The following BTG4 variants were observed in gnomAD, a reference collection of about 807,000 sequenced individuals.
BTG4 encodes the protein BTG anti-proliferation factor 4.
In BTG4, 10 loss-of-function variants were observed where a neutral mutation model predicts 19.3. The observed-to-expected ratio is 0.52, with a 90% CI of 0.32 to 0.88. BTG4 has a LOEUF of 0.88. BTG4 is among the 40% of genes least tolerant of loss of function. The pLI, the probability that BTG4 is intolerant of heterozygous loss-of-function variation, is 0.04. For synonymous variants in BTG4, 91 were observed against 95.7 expected, an observed-to-expected ratio of 0.95 and a Z score of 0.29; for missense variants, 238 against 281.9, an observed-to-expected ratio of 0.84 and a Z score of 1.11.
intron 2 of BTG4, 119 bp downstream of exon 2, chr11:111,498,485 C>T: frequency 1.2e-6 from 1 of 867,570 alleles, no homozygotes; most frequent in Non-Finnish European, 1.8e-6. Context: ...AACAAATAAA[C>T]TCGAGCCCAT....
upstream of BTG4, among the ~76,000 whole-genome samples, chr11:111,513,771 CTGAT>C: frequency 6.6e-6 from 1 of 151,852 alleles, no homozygotes; most frequent in African/African-American, 2.4e-5. Flanking sequence ...TCTTAGCTGA[CTGAT>C]GTATGTTATT....
At chr11:111,433,992 C>T in the BTG4 span, among the ~76,000 whole-genome samples, 13 of 152,174 alleles carry the variant, frequency 8.5e-5, no homozygotes, top group African/African-American at 3.1e-4. Context: ...GACAATGTAG[C>T]GATTCCTCAG....
the BTG4 span, chr11:111,450,775 T>A: frequency 0.97 from 148,148 of 152,300 alleles, 72,208 homozygotes; most frequent in Middle Eastern, 1. Context: ...GGGCCTGACC[T>A]GACCAGATGG....
downstream of BTG4, among the ~76,000 whole-genome samples, chr11:111,467,369 G>C (rs1033139204): frequency 6.6e-5 from 10 of 152,238 alleles, no homozygotes; most frequent in Admixed American, 1.3e-4. Context: ...GTCATATTTA[G>C]CATAAATATT....
chr11:111,456,755 A>G, the BTG4 span: 6 of 316,262 alleles, frequency 1.9e-5, no homozygotes, highest in East Asian at 3.9e-4. The surrounding 1 kb of genome is among the most constrained non-coding windows in gnomAD (Gnocchi z 4.2). Context: ...CCCCTGGCCC[A>G]CTGACTATCC....
chr11:111,402,858 TTAATAATAA>T, the BTG4 span, among the ~76,000 whole-genome samples: 2 of 151,120 alleles, frequency 1.3e-5, no homozygotes, highest in Middle Eastern at 3.4e-3. Context: ...CAAGACCAAA[TTAATAATAA>T]TAATAATAAT....
chr11:111,499,271 G>T (rs1865921729), intron 1 of BTG4, among the ~76,000 whole-genome samples: 1 of 152,170 alleles, frequency 6.6e-6, no homozygotes, highest in South Asian at 2.1e-4. Context: ...TAAGAAAAGT[G>T]GGCGAGACTT....
chr11:111,443,098 G>A, the BTG4 span, among the ~76,000 whole-genome samples: 1 of 152,334 alleles, frequency 6.6e-6, no homozygotes, highest in South Asian at 2.1e-4. Context: ...ACAACGTGAT[G>A]AAAATGGCAC....
intron 5 of BTG4, among the ~76,000 whole-genome samples, chr11:111,470,748 C>A (rs1864012934): frequency 6.6e-6 from 1 of 152,044 alleles, no homozygotes; most frequent in South Asian, 2.1e-4. Context: ...GAGACCCCAT[C>A]TCTACAAAAA....
At chr11:111,469,228 G>A (rs770675033) in intron 5 of BTG4, 13 of 152,272 alleles carry the variant, frequency 8.5e-5, no homozygotes, top group Non-Finnish European at 1.5e-4. Context: ...CATTGGGAGA[G>A]AATGTTTGGC....
exon 6 of BTG4, chr11:111,467,679 A>G (rs145399036): frequency 1.2e-5 from 9 of 772,330 alleles, no homozygotes; most frequent in African/African-American, 8.6e-5. Context: ...GGGTTATAAA[A>G]TTCTGGGGTC....
intron 5 of BTG4, among the ~76,000 whole-genome samples, chr11:111,483,034 C>T (rs529975454): frequency 6.6e-6 from 1 of 152,240 alleles, no homozygotes; most frequent in African/African-American, 2.4e-5. Flanking sequence ...CTCTAGCAAG[C>T]ATCCCCCTAC....
chr11:111,460,154 C>T, the BTG4 span: 1 of 152,548 alleles, frequency 6.6e-6, no homozygotes, highest in South Asian at 2.1e-4. Flanking sequence ...GAAAAAGGAC[C>T]TGCCTTCCTT....
chr11:111,441,814 C>A, the BTG4 span, among the ~76,000 whole-genome samples: 1 of 152,032 alleles, frequency 6.6e-6, no homozygotes, highest in Non-Finnish European at 1.5e-5. Flanking sequence ...ATCCCAGCAC[C>A]TTGAGAGGCT....
At chr11:111,445,205 T>C in the BTG4 span, among the ~76,000 whole-genome samples, 1 of 152,128 alleles carries the variant, frequency 6.6e-6, no homozygotes, top group Non-Finnish European at 1.5e-5. Context: ...ATCCCAAACC[T>C]CTCTGAGCCT....
downstream of BTG4, among the ~76,000 whole-genome samples, chr11:111,493,804 G>T (rs1865560677): frequency 6.6e-6 from 1 of 152,022 alleles, no homozygotes; most frequent in Non-Finnish European, 1.5e-5. Context: ...GTGCCCTAAT[G>T]AACCATCGTT....
intron 2 of BTG4, 141 bp downstream of exon 2, chr11:111,498,463 A>C: frequency 1.3e-6 from 1 of 753,804 alleles, no homozygotes; most frequent in East Asian, 2.7e-5. Flanking sequence ...CCTCCTTTCA[A>C]TTCCACGTTC....
chr11:111,445,662 T>C, the BTG4 span, among the ~76,000 whole-genome samples: 3 of 152,210 alleles, frequency 2.0e-5, no homozygotes, highest in African/African-American at 4.8e-5. Flanking sequence ...TGATTTTTAA[T>C]TTAAACTTCA....
intron 5 of BTG4, among the ~76,000 whole-genome samples, chr11:111,469,018 T>C (rs949426075): frequency 3.9e-5 from 6 of 152,218 alleles, no homozygotes. Context: ...AAATGACTTA[T>C]TCAGAGAGTT....
Sources: allele counts gnomAD v4.1 joint callset (sites outside exome capture counted in the v4.1 genomes callset), GRCh38; gene constraint gnomAD v4.1.1; non-coding constraint Gnocchi (gnomAD v3.1); transcripts MANE v1.5; gene names NCBI Gene and HGNC (gene_info 2026-07-23, HGNC 2026-07-21).